Variants in TRERF1 observed in about 807,000 individuals in gnomAD.
The protein encoded by TRERF1 is transcriptional-regulating factor 1.
In TRERF1, 27 loss-of-function variants were observed where a neutral mutation model predicts 122.9. The observed-to-expected ratio is 0.22, with a 90% CI of 0.16 to 0.30. The LOEUF (loss-of-function observed/expected upper bound fraction) is 0.30, where lower values mean the gene tolerates loss of function less well. TRERF1 is among the 10% of genes least tolerant of loss of function. The pLI is 1.00. For synonymous variants in TRERF1, 636 were observed against 641.7 expected, an observed-to-expected ratio of 0.99 and a Z score of 0.13; for missense variants, 1,248 against 1,560.3, an observed-to-expected ratio of 0.80 and a Z score of 3.37.
chr6:42,263,570 T>C lies in TRERF1; in HGVS notation c.1636-2A>G, dbSNP rs776919029. On this transcript the variant is annotated splice_acceptor_variant, in intron 7 of 17. Coordinates refer to ENST00000372922, the Ensembl canonical transcript of TRERF1. LOFTEE classifies it high-confidence loss of function. The surrounding 1 kb of genome is among the most constrained non-coding windows in gnomAD (Gnocchi z 5.6). ...CGGCAGGACCTTCTCTCCTTCCTCC[T>C]ACACAGACAATAAAGGCTTTGATCC... 6.6e-7 allele frequency: 1 copy of C among 1,513,204 alleles called. No individual in the cohort carries two copies. The highest frequency in any genetic ancestry group is 8.8e-7 in the Non-Finnish European group (1 of 1,130,298). The allele number at this position is 1,513,204 out of a possible 1,614,324, so 93.7% of individuals were successfully genotyped here.
intron 2 of TRERF1, among the ~76,000 whole-genome samples, chr6:42,384,113 C>T (rs1188519297): frequency 6.6e-6 from 1 of 151,916 alleles, no homozygotes; most frequent in African/African-American, 2.4e-5. Flanking sequence ...CCAGTAATTC[C>T]ACTTCTAGGA....
chr6:42,264,567 G>A (rs1778805457), intron 7 of TRERF1, 137 bp downstream of exon 7: 2 of 1,377,328 alleles, frequency 1.5e-6, no homozygotes, highest in Non-Finnish European at 1.9e-6. Context: ...CAGCGCCAAA[G>A]CCTAAGCATT....
intron 2 of TRERF1, among the ~76,000 whole-genome samples, chr6:42,426,732 C>A (rs1783684277): frequency 6.6e-6 from 1 of 152,120 alleles, no homozygotes; most frequent in African/African-American, 2.4e-5. Context: ...TACGAGTGAT[C>A]TGTGACTGCT....
chr6:42,246,105 T>G (rs571121088), intron 14 of TRERF1, among the ~76,000 whole-genome samples: 1 of 152,168 alleles, frequency 6.6e-6, no homozygotes, highest in African/African-American at 2.4e-5. Context: ...GAAACTGTCT[T>G]GGAAAAAATA....
At chr6:42,301,937 G>A (rs897465770) in intron 3 of TRERF1, among the ~76,000 whole-genome samples, 1 of 152,204 alleles carries the variant, frequency 6.6e-6, no homozygotes, top group African/African-American at 2.4e-5. Context: ...CTTTGGGAAG[G>A]AGAACCACAG....
intron 2 of TRERF1, among the ~76,000 whole-genome samples, chr6:42,370,224 G>A (rs1773519474): frequency 6.6e-6 from 1 of 151,992 alleles, no homozygotes; most frequent in Non-Finnish European, 1.5e-5. Context: ...CATACACACA[G>A]CAGGTTACAA....
chr6:42,307,567 A>C (rs1178063960), intron 3 of TRERF1, among the ~76,000 whole-genome samples: 1 of 151,760 alleles, frequency 6.6e-6, no homozygotes, highest in Non-Finnish European at 1.5e-5. Context: ...CTTTGCAGAA[A>C]CTCACCCAGG....
chr6:42,360,770 TTAAAAAAAAAAAAAAAAAA>T, intron 3 of TRERF1, among the ~76,000 whole-genome samples: 1 of 64,098 alleles, frequency 1.6e-5, no homozygotes, highest in African/African-American at 4.6e-5. Flanking sequence ...AGTGGAGAGA[TTAAAAAAAAAAAAAAAAAA>T]AAAAAAAAAA....
intron 2 of TRERF1, among the ~76,000 whole-genome samples, chr6:42,366,811 C>A (rs1325043326): frequency 1.3e-5 from 2 of 152,190 alleles, no homozygotes; most frequent in Admixed American, 1.3e-4. Flanking sequence ...CCCAGAGCCA[C>A]AAGAGGGAGA....
At chr6:42,270,830 T>C (rs1780089887) in intron 4 of TRERF1, among the ~76,000 whole-genome samples, 1 of 144,076 alleles carries the variant, frequency 6.9e-6, no homozygotes, top group South Asian at 2.3e-4. Context: ...TGGAGAGCAA[T>C]GATGCGATCT....
At chr6:42,351,810 C>G (rs1356002616) in intron 3 of TRERF1, among the ~76,000 whole-genome samples, 1 of 152,122 alleles carries the variant, frequency 6.6e-6, no homozygotes, top group Non-Finnish European at 1.5e-5. Context: ...TGCTCTCTTC[C>G]TCCATCTGCC....
chr6:42,324,696 C>T (rs1200231499), intron 3 of TRERF1, among the ~76,000 whole-genome samples: 1 of 152,142 alleles, frequency 6.6e-6, no homozygotes, highest in Non-Finnish European at 1.5e-5. Flanking sequence ...ACTAGCTAAC[C>T]ATATGCAGAA....
At chr6:42,391,840 T>G (rs954430362) in intron 2 of TRERF1, among the ~76,000 whole-genome samples, 1 of 152,194 alleles carries the variant, frequency 6.6e-6, no homozygotes, top group African/African-American at 2.4e-5. Context: ...GCTCTCGATG[T>G]GTCTTCTGGA....
intron 2 of TRERF1, among the ~76,000 whole-genome samples, chr6:42,375,742 G>A (rs1774721422): frequency 6.6e-6 from 1 of 152,084 alleles, no homozygotes; most frequent in Non-Finnish European, 1.5e-5. Context: ...TGATTACTAT[G>A]GGGGGCTGTG....
chr6:42,402,844 T>C (rs770056476), intron 2 of TRERF1, among the ~76,000 whole-genome samples: 2 of 152,114 alleles, frequency 1.3e-5, no homozygotes, highest in Non-Finnish European at 2.9e-5. Context: ...AATAGATCCA[T>C]CTTACAGATG....
rs373301021 is a variant in TRERF1 at position 42,263,532 on chromosome 6, G to C, written c.1672C>G (p.Pro558Ala). Residue 558 changes from proline to alanine, a missense_variant, in exon 8 of 18, where the codon CCA becomes GCA. Physicochemically the swap from Pro to Ala is conservative, Grantham distance 27. Transcript: ENST00000372922. The surrounding 1 kb of genome is among the most constrained non-coding windows in gnomAD (Gnocchi z 5.6). ...GGCGGAGGCGGAGGCGGCAGTGGTG[G>C]CTGGGGCTGAGGCGGCAGGACCTTC... 3 of 1,560,054 alleles carry C rather than the reference G, an allele frequency of 1.9e-6. No homozygotes were observed. Among genetic ancestry groups the C allele is most frequent in the Non-Finnish European group, 1.7e-6 (2 of 1,151,940 alleles).
intron 4 of TRERF1, among the ~76,000 whole-genome samples, chr6:42,273,784 T>C (rs189080222): frequency 3.2e-4 from 49 of 152,364 alleles, no homozygotes; most frequent in Middle Eastern, 3.4e-3. Context: ...CCTCTTCACT[T>C]AGCCTTCCTT....
At chr6:42,281,284 C>T (rs1033151908) in intron 4 of TRERF1, among the ~76,000 whole-genome samples, 3 of 152,158 alleles carry the variant, frequency 2.0e-5, no homozygotes, top group Non-Finnish European at 2.9e-5. Context: ...GCCTGGGCTG[C>T]AGGGAGAGTG....
intron 8 of TRERF1, among the ~76,000 whole-genome samples, chr6:42,262,599 GAC>G: frequency 6.9e-6 from 1 of 143,888 alleles, no homozygotes; most frequent in African/African-American, 2.6e-5. Flanking sequence ...GAGAGAGAGA[GAC>G]AGACAGACGG....
Sources: allele counts gnomAD v4.1 joint callset (sites outside exome capture counted in the v4.1 genomes callset), GRCh38; gene constraint gnomAD v4.1.1; non-coding constraint Gnocchi (gnomAD v3.1); transcripts MANE v1.5; gene names NCBI Gene and HGNC (gene_info 2026-07-23, HGNC 2026-07-21).